ITIH5: variants seen among roughly 807,000 people sequenced by gnomAD.
ITIH5 encodes inter-alpha-trypsin inhibitor heavy chain 5.
Under a neutral mutation model 77.5 loss-of-function variants are expected in ITIH5, and 65 were observed. The ratio of observed to expected loss-of-function variants is 0.84; its 90% confidence interval spans 0.69 to 1.03. The LOEUF is 1.03. ITIH5 is among the 50% of genes least tolerant of loss of function. The pLI is 0.00. For missense variants in ITIH5, 1,208 were observed against 1,213.1 expected (o/e 1.00, Z 0.06); for synonymous variants, 525 against 494.3 (o/e 1.06, Z -0.82).
intron 5 of ITIH5, among the ~76,000 whole-genome samples, chr10:7,633,361 C>A (rs1391358457): frequency 6.6e-6 from 1 of 151,504 alleles, no homozygotes; most frequent in Non-Finnish European, 1.5e-5. Flanking sequence ...TACAATTCAA[C>A]AGATGTGGGT....
intron 10 of ITIH5, among the ~76,000 whole-genome samples, chr10:7,575,439 A>G (rs888874075): frequency 1.4e-4 from 21 of 152,142 alleles, no homozygotes; most frequent in African/African-American, 5.1e-4. Context: ...GTAGGGTCCG[A>G]CCAAACTCAG....
intron 5 of ITIH5, among the ~76,000 whole-genome samples, chr10:7,635,412 C>T (rs1833783288): frequency 6.6e-6 from 1 of 152,152 alleles, no homozygotes; most frequent in Non-Finnish European, 1.5e-5. Flanking sequence ...TTACAATTAA[C>T]AACTGAACTA....
intron 11 of ITIH5, chr10:7,572,503 G>A (rs1257054526): frequency 6.4e-6 from 8 of 1,247,240 alleles, no homozygotes; most frequent in South Asian, 1.4e-5. Flanking sequence ...AAGGATGCAT[G>A]CTCCGGATCT....
At chr10:7,572,226 C>T in intron 11 of ITIH5, 1 of 1,283,268 alleles carries the variant, frequency 7.8e-7, no homozygotes, top group Middle Eastern at 2.2e-4. Flanking sequence ...ACGTACAGCA[C>T]AGCAGCAGAA....
intron 7 of ITIH5, among the ~76,000 whole-genome samples, chr10:7,603,416 T>C (rs1833054894): frequency 6.6e-6 from 1 of 152,124 alleles, no homozygotes; most frequent in Non-Finnish European, 1.5e-5. Context: ...CAATGACTGC[T>C]AATCAGTGTG....
At chr10:7,644,684 CATA>C (rs1833963640) in intron 2 of ITIH5, among the ~76,000 whole-genome samples, 3 of 111,100 alleles carry the variant, frequency 2.7e-5, no homozygotes, top group Non-Finnish European at 5.8e-5. Flanking sequence ...ACATATATAT[CATA>C]TATATCACAT....
chr10:7,623,841 T>C (rs1462935567), intron 5 of ITIH5, among the ~76,000 whole-genome samples: 1 of 151,616 alleles, frequency 6.6e-6, no homozygotes, highest in Non-Finnish European at 1.5e-5. Context: ...CATAAGTCTC[T>C]TACTATCCAC....
intron 5 of ITIH5, among the ~76,000 whole-genome samples, chr10:7,629,477 A>ATGTGTCCATGTTGTAGCG (rs1833675549): frequency 7.7e-6 from 1 of 129,172 alleles, no homozygotes; most frequent in African/African-American, 2.8e-5. Context: ...GTGTTTTCGC[A>ATGTGTCCATGTTGTAGCG]TGTGTCCATG....
chr10:7,565,538 A>G (rs1832132851), intron 13 of ITIH5, among the ~76,000 whole-genome samples: 1 of 149,792 alleles, frequency 6.7e-6, no homozygotes, highest in Admixed American at 6.7e-5. Flanking sequence ...ATACATACTT[A>G]TCAGTCTGTG....
chr10:7,597,044 CAAA>C (rs71383924), intron 7 of ITIH5, among the ~76,000 whole-genome samples: 29 of 36,920 alleles, frequency 7.9e-4, no homozygotes, highest in East Asian at 2.5e-3. Flanking sequence ...GTCTCCAACT[CAAA>C]AAAAAAAAAA....
intron 9 of ITIH5, among the ~76,000 whole-genome samples, chr10:7,579,129 T>C (rs368837214): frequency 2.0e-5 from 3 of 152,382 alleles, no homozygotes; most frequent in African/African-American, 7.2e-5. Flanking sequence ...ACTGTGCCAG[T>C]GCTATACATA....
intron 5 of ITIH5, among the ~76,000 whole-genome samples, chr10:7,635,784 A>T (rs1588417604): frequency 6.6e-6 from 1 of 152,118 alleles, no homozygotes; most frequent in Admixed American, 6.5e-5. Context: ...GCATTATGTT[A>T]AATACCAACA....
chr10:7,610,040 C>A (rs1397441029), intron 7 of ITIH5, among the ~76,000 whole-genome samples: 1 of 151,058 alleles, frequency 6.6e-6, no homozygotes, highest in African/African-American at 2.4e-5. Context: ...ACATTTTTCT[C>A]CCCCCTCCCT....
chr10:7,590,927 T>A (rs1832781100), intron 7 of ITIH5, among the ~76,000 whole-genome samples: 1 of 152,232 alleles, frequency 6.6e-6, no homozygotes. Context: ...AGACAGAGTC[T>A]TGCTCTGTCA....
Position 7,566,861 on chromosome 10 carries a change from AAG to A in ITIH5, c.2150-456_2150-455del, listed in dbSNP as rs1274398215. Among the ~76,000 whole-genome samples the A allele has an allele frequency of 4.8e-4, 34 of 70,436 alleles. 5 individuals are homozygous for A. The highest frequency in any genetic ancestry group is 2.0e-3 in the African/African-American group (32 of 15,916). The allele number at this position is 70,436 out of a possible 152,430, so 46.2% of individuals were successfully genotyped here. A position where few individuals can be genotyped will look rare whatever the true frequency, so the allele number is the denominator to read the frequency against. On this transcript the variant is annotated intron_variant, in intron 12 of 13. Coordinates refer to ENST00000397146, the MANE Select transcript of ITIH5 (RefSeq NM_030569.7). ...GAGGAAGAGGAAGAAGAAGAAGAAGAAGAAGAAGAAGAAGAAGAAGAAGAAGA... is the reference window on the plus strand; with the variant it reads ...GAGGAAGAGGAAGAAGAAGAAGAAGAAAGAAGAAGAAGAAGAAGAAGAAGA...
At chr10:7,613,106 A>G (rs866264239) in intron 7 of ITIH5, among the ~76,000 whole-genome samples, 10 of 152,248 alleles carry the variant, frequency 6.6e-5, no homozygotes, top group South Asian at 4.2e-4. Flanking sequence ...TTAGCTGGGC[A>G]TGGTGGCGAG....
chr10:7,624,877 G>GTA (rs1332022320), intron 5 of ITIH5, among the ~76,000 whole-genome samples: 12 of 26,486 alleles, frequency 4.5e-4, no homozygotes, highest in East Asian at 2.4e-3. Flanking sequence ...ATATATGTAT[G>GTA]TATATATATG....
intron 7 of ITIH5, among the ~76,000 whole-genome samples, chr10:7,607,222 C>G (rs1425324743): frequency 1.3e-5 from 2 of 152,212 alleles, no homozygotes; most frequent in Non-Finnish European, 2.9e-5. Flanking sequence ...CCTGCTGCTG[C>G]CTGCTTTTAG....
At chr10:7,581,940 A>ACC in intron 8 of ITIH5, among the ~76,000 whole-genome samples, 1 of 135,136 alleles carries the variant, frequency 7.4e-6, no homozygotes, top group Non-Finnish European at 1.5e-5. Flanking sequence ...CAGTGGCGTG[A>ACC]TCTTGGCTCA....
Sources: allele counts gnomAD v4.1 joint callset (sites outside exome capture counted in the v4.1 genomes callset), GRCh38; gene constraint gnomAD v4.1.1; transcripts MANE v1.5; gene names NCBI Gene and HGNC (gene_info 2026-07-23, HGNC 2026-07-21).